ATOH8: variants seen among roughly 807,000 people sequenced by gnomAD.
ATOH8 encodes transcription factor ATOH8.
In ATOH8, 9 loss-of-function variants were observed where a neutral mutation model predicts 21.2. That is an observed-to-expected ratio of 0.42 (90% confidence interval 0.26 to 0.74). ATOH8 has a LOEUF of 0.74. Ranked by LOEUF, ATOH8 falls within the 30% of genes least tolerant of loss-of-function variation. The pLI, the probability that ATOH8 is intolerant of heterozygous loss-of-function variation, is 0.24. For synonymous variants in ATOH8, 253 were observed against 224.0 expected (o/e 1.13, Z -1.16); for missense variants, 524 against 470.9 (o/e 1.11, Z -1.04).
At position 85,783,298 on chromosome 2, in the gene ATOH8, G is replaced by A. The variant is rs117409429; in HGVS notation, c.961-3587G>A. On this transcript the variant is annotated intron_variant, in intron 2 of 2. Coordinates refer to ENST00000306279, the MANE Select transcript of ATOH8 (RefSeq NM_032827.7). ...TTAAAGGACATCTTCGGATGGGCAC[G>A]GTGGCTCAGGCCTATAATCCCAGCA... Among the ~76,000 whole-genome samples, 462 of 152,212 alleles carry A rather than the reference G, an allele frequency of 3.0e-3. 21 individuals carry two copies. The East Asian group carries it at 0.062, about 20-fold the overall frequency.
At chr2:85,765,409 G>A (rs927804522) in intron 2 of ATOH8, among the ~76,000 whole-genome samples, 3 of 152,192 alleles carry the variant, frequency 2.0e-5, no homozygotes, top group African/African-American at 7.2e-5. Context: ...CCCCGCTGCC[G>A]CTGCCACGGT....
At chr2:85,774,850 C>T in intron 2 of ATOH8, 3 of 931,084 alleles carry the variant, frequency 3.2e-6, no homozygotes, top group Non-Finnish European at 3.8e-6. Context: ...CTCATGCCAT[C>T]CCTTCTGCCT....
rs909913080 is a variant in ATOH8, at chr2:85,785,757, G to A, written c.961-1128G>A. On this transcript the variant is annotated intron_variant, in intron 2 of 2. Coordinates refer to ENST00000306279, the MANE Select transcript of ATOH8 (RefSeq NM_032827.7). The surrounding 1 kb of genome is among the most constrained non-coding windows in gnomAD (Gnocchi z 4.1). ...GGGATTGCTCACTCATGAGAGGGGGGAATGGGAATGCTCCCTGGCAGGTCG... is the reference window on the plus strand; with the variant it reads ...GGGATTGCTCACTCATGAGAGGGGGAAATGGGAATGCTCCCTGGCAGGTCG... 4.6e-5 allele frequency among the ~76,000 whole-genome samples: 7 copies of A among 152,354 alleles called. No individual in the cohort carries two copies. The highest frequency in any genetic ancestry group is 3.9e-4 in the Admixed American group (6 of 15,308).
chr2:85,770,580 C>T (rs141245098), intron 2 of ATOH8, among the ~76,000 whole-genome samples: 7 of 152,308 alleles, frequency 4.6e-5, no homozygotes, highest in East Asian at 1.9e-4. Flanking sequence ...TCTCAGCTGC[C>T]GTTTCTCTTC....
At chr2:85,780,949 C>T (rs1680470458) in intron 2 of ATOH8, 2 of 987,542 alleles carry the variant, frequency 2.0e-6, no homozygotes, top group African/African-American at 1.7e-5. Context: ...GCCGACTGGT[C>T]CATACTTGCT....
Position 85,772,178 on chromosome 2 carries a change from C to T in ATOH8, c.960+7996C>T, listed in dbSNP as rs541422036. Among the ~76,000 whole-genome samples the T allele has an allele frequency of 3.4e-3, 516 of 150,544 alleles. 2 individuals carry two copies. Among genetic ancestry groups the T allele is most frequent in the Non-Finnish European group, 6.1e-3 (411 of 67,710 alleles). On this transcript the variant is annotated intron_variant, in intron 2 of 2. Transcript: ENST00000306279. ...CTGCTGGTGGTGGCCCTGGTGGTAG[C>T]GAGGGGTGGGTTGGGCAGGGAGGTG...
intron 2 of ATOH8, among the ~76,000 whole-genome samples, chr2:85,778,479 G>T (rs756417795): frequency 6.6e-6 from 1 of 152,160 alleles, no homozygotes; most frequent in Non-Finnish European, 1.5e-5. Context: ...TGCATGGAAC[G>T]CACACTGTTT....
At chr2:85,755,756 G>T (rs1346475429) in intron 1 of ATOH8, among the ~76,000 whole-genome samples, 1 of 152,160 alleles carries the variant, frequency 6.6e-6, no homozygotes, top group Non-Finnish European at 1.5e-5. Context: ...ATTACCCGTG[G>T]TGGGGCGGGA....
At chr2:85,768,048 G>A (rs1210843870) in intron 2 of ATOH8, among the ~76,000 whole-genome samples, 2 of 152,186 alleles carry the variant, frequency 1.3e-5, no homozygotes, top group Admixed American at 6.5e-5. Flanking sequence ...GATGGCCCTG[G>A]GACAGGAGCG....
At position 85,754,380 on chromosome 2, in the gene ATOH8, C is replaced by T; in HGVS notation, c.191C>T (p.Thr64Ile). 1 of 1,591,936 alleles carries T rather than the reference C, an allele frequency of 6.3e-7. No individual in the cohort carries two copies. The highest frequency in any genetic ancestry group is 1.1e-5 in the South Asian group (1 of 89,282). Residue 64 changes from threonine (T) to isoleucine (I), a missense_variant, in exon 1 of 3, where the codon ACC (threonine) becomes ATC (isoleucine). Coordinates refer to ENST00000306279, the MANE Select transcript of ATOH8 (RefSeq NM_032827.7). ...GCCACCAACGGGCTGCGGGACAGGA[C>T]CCATCGGCTGCAGCCGGTCCCGGTA... ...AVATNGLRDRTHRLQPVPVPV... is the reference protein window; with the variant it reads ...AVATNGLRDRIHRLQPVPVPV...
chr2:85,777,218 A>G (rs1279686454), intron 2 of ATOH8, among the ~76,000 whole-genome samples: 1 of 152,216 alleles, frequency 6.6e-6, no homozygotes, highest in African/African-American at 2.4e-5. Context: ...TAAAAAATTC[A>G]GAGGAGGGCC....
chr2:85,783,079 G>A (rs1015471953), intron 2 of ATOH8, among the ~76,000 whole-genome samples: 2 of 152,190 alleles, frequency 1.3e-5, no homozygotes, highest in Non-Finnish European at 2.9e-5. Context: ...CCCTGCCCTC[G>A]TGGAGCTGGC....
At position 85,754,176 on chromosome 2, in the gene ATOH8, G is replaced by C; in HGVS notation, c.-14G>C. On this transcript the variant is annotated 5_prime_UTR_variant, in exon 1 of 3. Coordinates refer to ENST00000306279, the MANE Select transcript of ATOH8 (RefSeq NM_032827.7). ...GGGCAGCCCCACGCCCCTGCCTCGC[G>C]CGCCGCCCGCGCCATGAAGCACATC... The C allele has an allele frequency of 6.4e-7, 1 of 1,551,346 alleles. No homozygotes were observed. The highest frequency in any genetic ancestry group is 1.2e-5 in the South Asian group (1 of 84,290).
At chr2:85,768,125 C>G (rs1680072845) in intron 2 of ATOH8, among the ~76,000 whole-genome samples, 1 of 152,280 alleles carries the variant, frequency 6.6e-6, no homozygotes, top group South Asian at 2.1e-4. Context: ...CTCCACCTGA[C>G]TTCAGGCCAC....
Position 85,789,201 on chromosome 2 carries a change from T to C in ATOH8, c.*2311T>C, listed in dbSNP as rs553088354. ...GAAAGAGCCCATCCTCCACCTCCCA[T>C]CCCCCTCCTGCATACATACTTCATT... On this transcript the variant is annotated 3_prime_UTR_variant, in exon 3 of 3. Coordinates refer to ENST00000306279, the MANE Select transcript of ATOH8 (RefSeq NM_032827.7). Among the ~76,000 whole-genome samples the C allele has an allele frequency of 3.9e-5, 6 of 152,126 alleles. No individual in the cohort carries two copies. Among genetic ancestry groups the C allele is most frequent in the Non-Finnish European group, 8.8e-5 (6 of 67,992 alleles).
chr2:85,769,388 C>CG (rs1362709202), intron 2 of ATOH8, among the ~76,000 whole-genome samples: 1 of 152,194 alleles, frequency 6.6e-6, no homozygotes, highest in East Asian at 1.9e-4. Context: ...TAGACCCCCC[C>CG]GGGTGGTGTG....
At chr2:85,774,160 G>C in intron 2 of ATOH8, 1 of 985,458 alleles carries the variant, frequency 1.0e-6, no homozygotes, top group Non-Finnish European at 1.2e-6. Flanking sequence ...GTTGGTCTTC[G>C]TGGGGCCAAA....
In ATOH8 at chr2:85,789,943, A is replaced by ACT. The variant is rs1322098300; in HGVS notation, c.*3061_*3062dup. Among the ~76,000 whole-genome samples, 2 of 147,388 alleles carry ACT rather than the reference A, an allele frequency of 1.4e-5. No individual in the cohort carries two copies. The highest frequency in any genetic ancestry group is 3.0e-5 in the Non-Finnish European group (2 of 67,258). On this transcript the variant is annotated 3_prime_UTR_variant, in exon 3 of 3. Transcript: ENST00000306279. ...TGTGTTCGTATGCACACACATGCAT[A>ACT]CTCTCTCTCATGGGCACATGCATAC...
chr2:85,760,936 C>G (rs1451242320), intron 1 of ATOH8: 1 of 152,260 alleles, frequency 6.6e-6, no homozygotes, highest in Non-Finnish European at 1.5e-5. Flanking sequence ...GCTCTTTCCA[C>G]CATACTTTGA....
Sources: gnomAD v4.1 joint callset for allele counts (sites outside exome capture counted in the v4.1 genomes callset) on GRCh38, gnomAD v4.1.1 for gene constraint, Gnocchi (gnomAD v3.1) non-coding constraint, MANE v1.5 for transcripts, NCBI Gene and HGNC (gene_info 2026-07-23, HGNC 2026-07-21) for gene names.